EPC2: variants seen among roughly 807,000 people sequenced by gnomAD.
The protein encoded by EPC2 is enhancer of polycomb 2, also known as enhancer of polycomb homolog 2.
Under a neutral mutation model 92.1 loss-of-function variants are expected in EPC2, and 14 were observed. The observed-to-expected ratio is 0.15, with a 90% confidence interval of 0.10 to 0.24. The LOEUF is 0.24. Among genes scored for constraint, EPC2 ranks in the 10% least tolerant of loss-of-function variants. The pLI, the probability that EPC2 is intolerant of heterozygous loss-of-function variation, is 1.00. For missense variants in EPC2, 755 were observed against 971.5 expected (o/e 0.78, Z 2.96); for synonymous variants, 340 against 334.7 (o/e 1.02, Z -0.17).
intron 4 of EPC2, 46 bp downstream of exon 4, chr2:148,754,179 A>G: frequency 3.6e-6 from 5 of 1,387,166 alleles, no homozygotes; most frequent in Non-Finnish European, 4.9e-6. Context: ...AATAGTATTC[A>G]AGATCAATCT....
intron 10 of EPC2, among the ~76,000 whole-genome samples, chr2:148,775,921 G>T (rs1683633654): frequency 6.6e-6 from 1 of 151,284 alleles, no homozygotes; most frequent in Non-Finnish European, 1.5e-5. Context: ...GGGACTACAG[G>T]TGCCCACCAC....
chr2:148,680,039 T>C (rs894425578), intron 1 of EPC2, among the ~76,000 whole-genome samples: 2 of 152,046 alleles, frequency 1.3e-5, no homozygotes, highest in Non-Finnish European at 2.9e-5. Context: ...TTCTGCCCTA[T>C]TAAGAAAAAC....
intron 1 of EPC2, among the ~76,000 whole-genome samples, chr2:148,684,709 C>T (rs1681478797): frequency 2.0e-5 from 3 of 152,192 alleles, no homozygotes; most frequent in Non-Finnish European, 2.9e-5. Context: ...TTCAGTGAAC[C>T]CCTATGCCTA....
chr2:148,784,695 A>G lies in EPC2; in HGVS notation c.2045A>G (p.Asn682Ser), dbSNP rs1417583230. 4 of 1,612,026 alleles carry G rather than the reference A, an allele frequency of 2.5e-6. No homozygotes were observed. Among genetic ancestry groups the G allele is most frequent in the Non-Finnish European group, 3.4e-6 (4 of 1,179,070 alleles). Residue 682 changes from asparagine to serine, a missense_variant, in exon 13 of 14, where the codon AAT (asparagine) becomes AGT (serine). This residue lies in a region of EPC2 where 207 missense variants were observed against 260.5 expected (regional missense o/e 0.79). Transcript: ENST00000258484. Reference sequence around the variant, plus strand: ...ACCTCTAAAACATTATACTCCACCAATATGGCTTTATCATCCAGCCCAGGG... The same window carrying G: ...ACCTCTAAAACATTATACTCCACCAGTATGGCTTTATCATCCAGCCCAGGG... ...SGTSKTLYST[N>S]MALSSSPGIS...
At chr2:148,661,745 A>G (rs1383611929) in intron 1 of EPC2, among the ~76,000 whole-genome samples, 3 of 152,204 alleles carry the variant, frequency 2.0e-5, no homozygotes, top group East Asian at 3.8e-4. Flanking sequence ...TAGTGTATCT[A>G]CCATGAATGA....
chr2:148,765,134 T>G lies in EPC2; in HGVS notation c.1128T>G (p.Asp376Glu). The G allele has an allele frequency of 6.4e-7, 1 of 1,554,060 alleles. No individual in the cohort carries two copies. The highest frequency in any genetic ancestry group is 8.7e-7 in the Non-Finnish European group (1 of 1,151,582). ...KQYDFHSSDE[D>E]EFPQVLSPVS... is the part of the protein sequence containing the mutation. ...ATGATTTTCACAGCTCAGATGAAGATGAATTTCCACAGGTGCTTGTTTTAA... is the reference window on the plus strand; with the variant it reads ...ATGATTTTCACAGCTCAGATGAAGAGGAATTTCCACAGGTGCTTGTTTTAA... Residue 376 changes from aspartate to glutamate, a missense_variant, in exon 7 of 14, where the codon GAT becomes GAG. Asp to Glu is a conservative substitution (Grantham distance 45). Transcript: ENST00000258484.
intron 3 of EPC2, among the ~76,000 whole-genome samples, chr2:148,751,814 T>C (rs957223563): frequency 6.6e-6 from 1 of 152,132 alleles, no homozygotes; most frequent in African/African-American, 2.4e-5. Flanking sequence ...TGCCTCAGAG[T>C]AGCTAAAGAT....
intron 2 of EPC2, among the ~76,000 whole-genome samples, chr2:148,694,983 G>A (rs553971041): frequency 2.0e-5 from 3 of 152,316 alleles, no homozygotes; most frequent in African/African-American, 7.2e-5. Flanking sequence ...ATGTTGGCCA[G>A]GCTTATCTTG....
intron 3 of EPC2, among the ~76,000 whole-genome samples, chr2:148,747,088 C>T (rs886579888): frequency 3.3e-5 from 5 of 151,666 alleles, no homozygotes; most frequent in African/African-American, 1.2e-4. Flanking sequence ...TTTTGAAAAC[C>T]CTCAGTGTTT....
chr2:148,652,102 G>A (rs1429517963), intron 1 of EPC2, among the ~76,000 whole-genome samples: 4 of 152,222 alleles, frequency 2.6e-5, no homozygotes, highest in Non-Finnish European at 2.9e-5. Context: ...GATAGAGAGC[G>A]TTATTGGTCT....
chr2:148,681,284 A>G (rs2105366500), intron 1 of EPC2, among the ~76,000 whole-genome samples: 1 of 152,310 alleles, frequency 6.6e-6, no homozygotes. Context: ...TAGGATGGTC[A>G]GATTTCACTG....
At chr2:148,706,612 T>G in intron 2 of EPC2, among the ~76,000 whole-genome samples, 1 of 152,240 alleles carries the variant, frequency 6.6e-6, no homozygotes, top group South Asian at 2.1e-4. Context: ...GTCGGGTTAC[T>G]CACAAAGAGA....
At chr2:148,737,803 C>T (rs1192728449) in intron 2 of EPC2, among the ~76,000 whole-genome samples, 2 of 151,586 alleles carry the variant, frequency 1.3e-5, no homozygotes, top group South Asian at 2.1e-4. Context: ...TAATGATAGC[C>T]GATGAGCTTA....
intron 6 of EPC2, among the ~76,000 whole-genome samples, 196 bp from the exon 7 acceptor site, chr2:148,764,759 A>C (rs1215416987): frequency 6.6e-6 from 1 of 152,218 alleles, no homozygotes; most frequent in Non-Finnish European, 1.5e-5. Context: ...TAAATACCAT[A>C]ATTATTTTTC....
intron 2 of EPC2, among the ~76,000 whole-genome samples, chr2:148,740,406 A>G (rs886520525): frequency 2.6e-5 from 4 of 152,074 alleles, no homozygotes; most frequent in Admixed American, 6.5e-5. Context: ...CAAAATCTAT[A>G]ATGATTCTTA....
At chr2:148,683,040 T>A (rs922418277) in intron 1 of EPC2, among the ~76,000 whole-genome samples, 1 of 152,206 alleles carries the variant, frequency 6.6e-6, no homozygotes. Context: ...CACTGCTTTT[T>A]TTTTCCTTAT....
chr2:148,683,809 T>C (rs1430987600), intron 1 of EPC2, among the ~76,000 whole-genome samples: 1 of 152,242 alleles, frequency 6.6e-6, no homozygotes, highest in Non-Finnish European at 1.5e-5. Flanking sequence ...ATTTTTGCAA[T>C]TGCAAATTGT....
intron 1 of EPC2, among the ~76,000 whole-genome samples, chr2:148,650,005 C>T (rs750774469): frequency 6.6e-6 from 1 of 152,026 alleles, no homozygotes; most frequent in Non-Finnish European, 1.5e-5. Context: ...GTATTGGCAC[C>T]ATTATATTTA....
At chr2:148,748,552 G>T (rs1009796631) in intron 3 of EPC2, among the ~76,000 whole-genome samples, 4 of 152,064 alleles carry the variant, frequency 2.6e-5, no homozygotes, top group African/African-American at 9.7e-5. Context: ...TTTGGGACCA[G>T]AAGTGTTTTG....
Sources: allele counts gnomAD v4.1 joint callset (sites outside exome capture counted in the v4.1 genomes callset), GRCh38; gene constraint gnomAD v4.1.1; regional missense constraint gnomAD v4.1.1; transcripts MANE v1.5; gene names NCBI Gene and HGNC (gene_info 2026-07-23, HGNC 2026-07-21).